ZFHX3: variants seen among roughly 807,000 people sequenced by gnomAD.
ZFHX3 encodes zinc finger homeobox protein 3.
Under a neutral mutation model 279.1 loss-of-function variants are expected in ZFHX3, and 42 were observed. The observed-to-expected ratio is 0.15, with a 90% confidence interval of 0.12 to 0.19. The LOEUF (loss-of-function observed/expected upper bound fraction) is 0.19, where lower values mean the gene tolerates loss of function less well. Ranked by LOEUF, ZFHX3 falls within the 10% of genes least tolerant of loss-of-function variation. The probability of loss-of-function intolerance (pLI) is 1.00; values close to 1 mark genes in which losing one functional copy is unlikely to be tolerated. For synonymous variants in ZFHX3, 2,293 were observed against 1,957.8 expected (o/e 1.17, Z -4.52); for missense variants, 4,981 against 4,754.0 (o/e 1.05, Z -1.40).
chr16:73,333,912 G>A (rs1426390582), intron 3 of ZFHX3, among the ~76,000 whole-genome samples: 1 of 151,116 alleles, frequency 6.6e-6, no homozygotes, highest in Non-Finnish European at 1.5e-5. Context: ...TATCCGGCAC[G>A]CTGAACATCC....
intron 3 of ZFHX3, among the ~76,000 whole-genome samples, chr16:73,445,282 G>GTATATGTATATATATATGTGTATA (rs1567486438): frequency 6.6e-6 from 1 of 151,044 alleles, no homozygotes; most frequent in Non-Finnish European, 1.5e-5. Context: ...ATATATGTGT[G>GTATATGTATATATATATGTGTATA]TATATATATA....
At chr16:73,746,520 A>T (rs1047871600) in intron 1 of ZFHX3, among the ~76,000 whole-genome samples, 1 of 152,196 alleles carries the variant, frequency 6.6e-6, no homozygotes, top group Non-Finnish European at 1.5e-5. Flanking sequence ...ACAATTAGAA[A>T]AGTCCCTCTG....
At chr16:73,669,836 C>G (rs1460927372) in intron 2 of ZFHX3, among the ~76,000 whole-genome samples, 1 of 152,164 alleles carries the variant, frequency 6.6e-6, no homozygotes, top group African/African-American at 2.4e-5. Context: ...AACAGCTTTG[C>G]TGGGGTATTT....
At chr16:73,407,531 T>C (rs2017385319) in intron 3 of ZFHX3, among the ~76,000 whole-genome samples, 1 of 152,058 alleles carries the variant, frequency 6.6e-6, no homozygotes, top group Non-Finnish European at 1.5e-5. Flanking sequence ...TACAGTACAG[T>C]TCAATGACTT....
intron 5 of ZFHX3, among the ~76,000 whole-genome samples, chr16:72,824,189 C>T (rs763048199): frequency 7.9e-5 from 12 of 152,082 alleles, no homozygotes; most frequent in Non-Finnish European, 1.6e-4. Context: ...AGGAGCCATA[C>T]GCTATACATT....
intron 2 of ZFHX3, among the ~76,000 whole-genome samples, chr16:73,595,270 C>T (rs528578010): frequency 3.3e-5 from 5 of 152,154 alleles, no homozygotes; most frequent in East Asian, 1.9e-4. Context: ...TCTCTTCTTC[C>T]GGGTCAGCAC....
intron 5 of ZFHX3, among the ~76,000 whole-genome samples, chr16:73,209,150 T>A (rs2011914558): frequency 6.6e-6 from 1 of 152,230 alleles, no homozygotes; most frequent in Non-Finnish European, 1.5e-5. Context: ...TATCTACTAA[T>A]ATATTAGAGA....
chr16:73,472,753 C>T (rs967211218), intron 2 of ZFHX3, among the ~76,000 whole-genome samples: 3 of 152,182 alleles, frequency 2.0e-5, no homozygotes, highest in Non-Finnish European at 2.9e-5. Flanking sequence ...CTTCCTGCCT[C>T]ACCATGGTTT....
At chr16:73,695,317 C>A (rs1184938121) in intron 1 of ZFHX3, among the ~76,000 whole-genome samples, 1 of 149,322 alleles carries the variant, frequency 6.7e-6, no homozygotes, top group African/African-American at 2.5e-5. Flanking sequence ...CTCACTGCAA[C>A]CTCCACCTCC....
At chr16:72,811,432 C>T in intron 7 of ZFHX3, 145 bp downstream of exon 7, 1 of 920,454 alleles carries the variant, frequency 1.1e-6, no homozygotes, top group Non-Finnish European at 1.6e-6. Flanking sequence ...GATAGTACAA[C>T]AAAGGTCACA....
At chr16:73,233,521 G>C (rs2012844749) in intron 5 of ZFHX3, among the ~76,000 whole-genome samples, 1 of 152,210 alleles carries the variant, frequency 6.6e-6, no homozygotes, top group African/African-American at 2.4e-5. Context: ...GCTGGAAAAA[G>C]GAGGTTGAGG....
At chr16:73,867,061 A>G (rs1276734802) in intron 1 of ZFHX3, among the ~76,000 whole-genome samples, 1 of 152,030 alleles carries the variant, frequency 6.6e-6, no homozygotes, top group Non-Finnish European at 1.5e-5. Context: ...ATAGACTGAG[A>G]AACAGAGACC....
rs756163646 is a variant in ZFHX3, at chr16:72,811,647, A to T, written c.3794T>A (p.Ile1265Asn). Reference sequence around the variant, plus strand: ...GTGGGTGAGGTGCAGCTGGAGGTGGATCTTGTTGTTGAGCATGTCCTGGCA... The same window carrying T: ...GTGGGTGAGGTGCAGCTGGAGGTGGTTCTTGTTGTTGAGCATGTCCTGGCA... ...PLCQDMLNNKIHLQLHLTHLH... is the reference protein window; with the variant it reads ...PLCQDMLNNKNHLQLHLTHLH... Residue 1265 changes from isoleucine (I) to asparagine (N), a missense_variant, in exon 7 of 10, where the codon ATC becomes AAC. Coordinates refer to ENST00000268489, the MANE Select transcript of ZFHX3 (RefSeq NM_006885.4). The T allele has an allele frequency of 2.0e-5, 32 of 1,613,582 alleles. No individual in the cohort carries two copies. The highest frequency in any genetic ancestry group is 2.6e-5 in the Non-Finnish European group (31 of 1,179,792).
intron 5 of ZFHX3, among the ~76,000 whole-genome samples, chr16:73,189,265 C>T (rs890028691): frequency 3.3e-5 from 5 of 152,172 alleles, no homozygotes; most frequent in Non-Finnish European, 5.9e-5. Context: ...GGCCACACCC[C>T]GGGGATTCCA....
intron 5 of ZFHX3, among the ~76,000 whole-genome samples, chr16:72,814,098 T>C (rs1482752628): frequency 6.6e-6 from 1 of 152,160 alleles, no homozygotes; most frequent in Non-Finnish European, 1.5e-5. Context: ...TTCCAGTGTT[T>C]ATTTGTCACA....
chr16:73,755,570 A>G (rs1485988996), intron 1 of ZFHX3, among the ~76,000 whole-genome samples: 6 of 152,228 alleles, frequency 3.9e-5, no homozygotes, highest in Admixed American at 1.3e-4. Context: ...TTTAAAATGC[A>G]GTATCCTTAT....
intron 4 of ZFHX3, among the ~76,000 whole-genome samples, chr16:72,873,338 T>G (rs1266714510): frequency 6.6e-6 from 1 of 152,190 alleles, no homozygotes. Flanking sequence ...TCCAAAAGCA[T>G]GCTTGGAGAA....
At position 72,959,457 on chromosome 16, in the gene ZFHX3, C is replaced by T; in HGVS notation, c.689G>A (p.Ser230Asn). 1 of 1,614,260 alleles carries T rather than the reference C, an allele frequency of 6.2e-7. No individual in the cohort carries two copies. Among genetic ancestry groups the T allele is most frequent in the Non-Finnish European group, 8.5e-7 (1 of 1,180,044 alleles). Reference sequence around the variant, plus strand: ...GTGTCGCACGTCAAACACGCGGAAGCTGTGCAGGACGGGGCTGAGCCCCGC... The same window carrying T: ...GTGTCGCACGTCAAACACGCGGAAGTTGTGCAGGACGGGGCTGAGCCCCGC... ...ALAGLSPVLH[S>N]FRVFDVRHKS... is the part of the protein sequence containing the mutation. The change falls in exon 2 of 10, where the codon AGC becomes AAC. Residue 230 changes from serine (S) to asparagine (N), a missense_variant. Around this residue, in one of 7 missense-constraint regions of ZFHX3, gnomAD observed 1,068 missense variants for 935.2 expected, o/e 1.14. Coordinates refer to ENST00000268489, the MANE Select transcript of ZFHX3 (RefSeq NM_006885.4).
At chr16:73,476,576 A>T (rs913805269) in intron 2 of ZFHX3, among the ~76,000 whole-genome samples, 1 of 152,200 alleles carries the variant, frequency 6.6e-6, no homozygotes, top group Non-Finnish European at 1.5e-5. Flanking sequence ...TTAAACCACT[A>T]CAATTTTTAA....
Sources: gnomAD v4.1 joint callset for allele counts (sites outside exome capture counted in the v4.1 genomes callset) on GRCh38, gnomAD v4.1.1 for gene constraint, gnomAD v4.1.1 regional missense constraint, MANE v1.5 for transcripts, NCBI Gene and HGNC (gene_info 2026-07-23, HGNC 2026-07-21) for gene names.